ERC2: variants seen among roughly 807,000 people sequenced by gnomAD.
ERC2 encodes the protein ELKS/RAB6-interacting/CAST family member 2, also known as ERC protein 2.
In ERC2, 42 loss-of-function variants were observed where a neutral mutation model predicts 114.8. The ratio of observed to expected loss-of-function variants is 0.37; its 90% confidence interval spans 0.29 to 0.47. ERC2 has a LOEUF of 0.47. ERC2 is among the 20% of genes least tolerant of loss of function. The probability of loss-of-function intolerance (pLI) is 0.99; values close to 1 mark genes in which losing one functional copy is unlikely to be tolerated. For synonymous variants in ERC2, 454 were observed against 425.5 expected (o/e 1.07, Z -0.82); for missense variants, 939 against 1,150.7 (o/e 0.82, Z 2.66).
At chr3:55,612,826 A>G (rs2058964773) in intron 17 of ERC2, 1 of 152,242 alleles carries the variant, frequency 6.6e-6, no homozygotes, top group Admixed American at 6.5e-5. Flanking sequence ...TACTATCTCC[A>G]AAAGACCCTG....
At chr3:56,066,296 A>G (rs1341949805) in intron 7 of ERC2, among the ~76,000 whole-genome samples, 1 of 152,186 alleles carries the variant, frequency 6.6e-6, no homozygotes, top group Non-Finnish European at 1.5e-5. Context: ...TCTAATGATC[A>G]GTGATGTTGA....
At chr3:55,963,918 T>C (rs1431998047) in intron 12 of ERC2, among the ~76,000 whole-genome samples, 1 of 152,222 alleles carries the variant, frequency 6.6e-6, no homozygotes, top group African/African-American at 2.4e-5. Context: ...ACTTCGTGTA[T>C]GCAAGACCTA....
intron 14 of ERC2, among the ~76,000 whole-genome samples, chr3:55,741,588 T>C (rs2065963607): frequency 6.6e-6 from 1 of 150,840 alleles, no homozygotes; most frequent in Non-Finnish European, 1.5e-5. Flanking sequence ...CCCTTTTGCC[T>C]TTTTACAGAC....
intron 17 of ERC2, among the ~76,000 whole-genome samples, chr3:55,665,473 TTA>T (rs2061323087): frequency 6.6e-6 from 1 of 152,162 alleles, no homozygotes; most frequent in Non-Finnish European, 1.5e-5. Flanking sequence ...GATCCTGATC[TTA>T]GGTGACTGTT....
chr3:55,663,449 C>G (rs1001496841), intron 17 of ERC2, among the ~76,000 whole-genome samples: 8 of 152,354 alleles, frequency 5.3e-5, no homozygotes, highest in African/African-American at 1.7e-4. Flanking sequence ...AGTGGCCACT[C>G]TGGTTGCCCA....
At chr3:56,024,274 T>C (rs1448873538) in intron 7 of ERC2, among the ~76,000 whole-genome samples, 1 of 152,202 alleles carries the variant, frequency 6.6e-6, no homozygotes, top group African/African-American at 2.4e-5. Flanking sequence ...GCAAACACTG[T>C]TGCCCCAACT....
At chr3:55,898,029 C>T (rs951154124) in intron 13 of ERC2, among the ~76,000 whole-genome samples, 4 of 152,194 alleles carry the variant, frequency 2.6e-5, no homozygotes, top group African/African-American at 9.7e-5. Context: ...GACAACGTTT[C>T]ACATTCTCCC....
At chr3:55,854,077 C>G (rs2061685065) in intron 14 of ERC2, among the ~76,000 whole-genome samples, 2 of 152,166 alleles carry the variant, frequency 1.3e-5, no homozygotes, top group Non-Finnish European at 2.9e-5. Flanking sequence ...GAGTTTGAAA[C>G]CAGTCTGGCC....
intron 17 of ERC2, among the ~76,000 whole-genome samples, chr3:55,540,111 C>T (rs145902416): frequency 3.3e-5 from 5 of 152,192 alleles, no homozygotes; most frequent in Non-Finnish European, 5.9e-5. Context: ...GATCCTGGAT[C>T]GCTGCATTTC....
At chr3:55,521,410 G>A (rs1402293124) in intron 17 of ERC2, among the ~76,000 whole-genome samples, 1 of 152,352 alleles carries the variant, frequency 6.6e-6, no homozygotes, top group Non-Finnish European at 1.5e-5. Context: ...TTGTTTCTCA[G>A]GCAGGGCTGA....
At chr3:55,574,486 G>A (rs969569872) in intron 17 of ERC2, among the ~76,000 whole-genome samples, 1 of 152,054 alleles carries the variant, frequency 6.6e-6, no homozygotes, top group Admixed American at 6.5e-5. Context: ...CCCTATGAAA[G>A]GGGTGCCAAG....
intron 17 of ERC2, among the ~76,000 whole-genome samples, chr3:55,547,522 T>C (rs780867375): frequency 2.8e-4 from 42 of 152,332 alleles, no homozygotes; most frequent in Non-Finnish European, 5.4e-4. Context: ...TTCTTTCTCA[T>C]AAAATGTCTC....
chr3:56,027,798 C>A (rs2074136694), intron 7 of ERC2, among the ~76,000 whole-genome samples: 1 of 152,100 alleles, frequency 6.6e-6, no homozygotes, highest in Admixed American at 6.5e-5. Flanking sequence ...TTTCACAGAA[C>A]AAAAGGTCCA....
intron 7 of ERC2, among the ~76,000 whole-genome samples, chr3:56,049,876 G>C (rs1236906530): frequency 2.7e-5 from 4 of 149,746 alleles, no homozygotes; most frequent in Admixed American, 2.7e-4. Context: ...TATTGGTTCT[G>C]TCCTTCTAGA....
chr3:56,421,194 A>G (rs889792069), intron 2 of ERC2, among the ~76,000 whole-genome samples: 12 of 152,384 alleles, frequency 7.9e-5, no homozygotes, highest in African/African-American at 2.9e-4. Flanking sequence ...AGTTATAGAC[A>G]GAGGTTAACA....
intron 13 of ERC2, among the ~76,000 whole-genome samples, chr3:55,930,618 G>A (rs1322341330): frequency 1.3e-5 from 2 of 152,162 alleles, no homozygotes; most frequent in Non-Finnish European, 2.9e-5. Context: ...ATGGATTAAA[G>A]AGTTAAACGT....
chr3:55,641,052 T>C (rs2060158919), intron 17 of ERC2, among the ~76,000 whole-genome samples: 1 of 152,186 alleles, frequency 6.6e-6, no homozygotes, highest in Admixed American at 6.5e-5. Flanking sequence ...GGGGTGTCCA[T>C]ACTGCTATAT....
chr3:55,714,665 G>A lies in ERC2; in HGVS notation c.2713-15153C>T, dbSNP rs62249286. On this transcript the variant is annotated intron_variant, in intron 15 of 17. Coordinates refer to ENST00000288221, the MANE Select transcript of ERC2 (RefSeq NM_015576.3). ...TGTGTGTGTGTGTGTGTGTGTGTGT[G>A]TGTATATATATATATATATATATAT... 6.7e-3 allele frequency among the ~76,000 whole-genome samples: 244 copies of A among 36,526 alleles called. 3 individuals carry two copies. The highest frequency in any genetic ancestry group is 0.018 in the East Asian group (25 of 1,356). 24.0% of individuals were successfully genotyped at this position (36,526 alleles called of 152,430 possible).
chr3:56,331,545 C>T (rs1400058712), intron 2 of ERC2, among the ~76,000 whole-genome samples: 3 of 152,078 alleles, frequency 2.0e-5, no homozygotes, highest in Non-Finnish European at 4.4e-5. Flanking sequence ...ATTAGCAGTT[C>T]TTGGGCTCAG....
Sources: allele counts gnomAD v4.1 joint callset (sites outside exome capture counted in the v4.1 genomes callset), GRCh38; gene constraint gnomAD v4.1.1; transcripts MANE v1.5; gene names NCBI Gene and HGNC (gene_info 2026-07-23, HGNC 2026-07-21).